ZNF221: variants seen among roughly 807,000 people sequenced by gnomAD.
The protein encoded by ZNF221 is zinc finger protein 221.
ZNF221 carries 10 observed loss-of-function variants against 12.6 expected under a neutral mutation model. That is an observed-to-expected ratio of 0.79 (90% CI 0.49 to 1.34). The LOEUF is 1.34. Ranked by LOEUF, ZNF221 falls within the 40% of genes most tolerant of loss-of-function variation. ZNF221 has a pLI of 0.00. For synonymous variants in ZNF221, 232 were observed against 244.0 expected (o/e 0.95, Z 0.46); for missense variants, 661 against 721.4 (o/e 0.92, Z 0.96).
chr19:43,955,084 T>C (rs981171591), intron 1 of ZNF221, among the ~76,000 whole-genome samples: 8 of 151,964 alleles, frequency 5.3e-5, no homozygotes, highest in Non-Finnish European at 8.8e-5. Flanking sequence ...GTGGGCTCTA[T>C]ATCTAGTGTG....
Position 43,963,776 on chromosome 19 carries a change from T to A in ZNF221, c.81+969T>A, listed in dbSNP as rs142219893. On this transcript the variant is annotated intron_variant, in intron 2 of 4. Transcript: ENST00000587682. ...GAATGTTAGCCATTCTGCTCATTTA[T>A]AATCAAATAAGTGAGAATGATATTA... Among the ~76,000 whole-genome samples, 144 of 152,358 alleles carry A rather than the reference T, an allele frequency of 9.5e-4. 1 individual carries two copies. Among genetic ancestry groups the A allele is most frequent in the African/African-American group, 3.3e-3 (136 of 41,590 alleles).
At chr19:43,960,211 G>C (rs747472256) in intron 1 of ZNF221, 7 of 152,160 alleles carry the variant, frequency 4.6e-5, no homozygotes, top group Non-Finnish European at 8.8e-5. Context: ...TTGAACTTAA[G>C]AGTGATAACT....
At chr19:43,962,312 A>G (rs1974858866) in intron 1 of ZNF221, among the ~76,000 whole-genome samples, 1 of 152,176 alleles carries the variant, frequency 6.6e-6, no homozygotes, top group African/African-American at 2.4e-5. Flanking sequence ...CCTTGTGCTT[A>G]TGTACAGTTA....
At chr19:43,981,215 A>G in the ZNF221 span, among the ~76,000 whole-genome samples, 2 of 152,370 alleles carry the variant, frequency 1.3e-5, no homozygotes, top group Admixed American at 6.5e-5. Context: ...AACAAGAAAT[A>G]TAAATTAAAA....
Position 43,965,816 on chromosome 19 carries a change from A to G in ZNF221, c.314A>G (p.Gln105Arg). 1 of 1,590,372 alleles carries G rather than the reference A, an allele frequency of 6.3e-7. No individual in the cohort carries two copies. Among genetic ancestry groups the G allele is most frequent in the Non-Finnish European group, 8.6e-7 (1 of 1,167,582 alleles). Residue 105 changes from glutamine to arginine, a missense_variant, in exon 5 of 5, where the codon CAA becomes CGA. Gln to Arg is a conservative substitution (Grantham distance 43). Coordinates refer to ENST00000587682, the MANE Select transcript of ZNF221 (RefSeq NM_001297588.2). The stretch of plus-strand genomic sequence containing the variant: ...TGTGTCTTTTTAGGAGGCAAGATCC[A>G]AATTGAGATGGAGACTGTTCCAGAA... The part of the protein sequence containing the change: ...QREGNSGGKI[Q>R]IEMETVPEAG...
chr19:43,969,398 G>C (rs1179235371), downstream of ZNF221, among the ~76,000 whole-genome samples: 2 of 132,222 alleles, frequency 1.5e-5, no homozygotes, highest in African/African-American at 5.9e-5. Flanking sequence ...GCTCAGACTG[G>C]AGTGCAGTGG....
the ZNF221 span, among the ~76,000 whole-genome samples, chr19:43,974,103 C>G: frequency 2.6e-5 from 4 of 152,084 alleles, no homozygotes; most frequent in Admixed American, 6.6e-5. Context: ...GACCACACAC[C>G]TACAACCATC....
chr19:43,968,489 G>A (rs1197748443), downstream of ZNF221, among the ~76,000 whole-genome samples: 1 of 152,204 alleles, frequency 6.6e-6, no homozygotes, highest in African/African-American at 2.4e-5. Context: ...AGCTTTGGCT[G>A]GGCTTCATAT....
downstream of ZNF221, among the ~76,000 whole-genome samples, chr19:43,972,312 C>T (rs1599825599): frequency 6.6e-6 from 1 of 151,732 alleles, no homozygotes; most frequent in Non-Finnish European, 1.5e-5. Flanking sequence ...CACTAAATGC[C>T]CACATCAAAA....
intron 2 of ZNF221, among the ~76,000 whole-genome samples, 180 bp from the exon 3 acceptor site, chr19:43,964,770 A>C (rs573643457): frequency 6.6e-5 from 10 of 152,332 alleles, no homozygotes; most frequent in African/African-American, 2.4e-4. Flanking sequence ...GAAGCTCATG[A>C]AAATCTGCGT....
chr19:43,954,790 A>G (rs1974729440), intron 1 of ZNF221, among the ~76,000 whole-genome samples: 1 of 151,412 alleles, frequency 6.6e-6, no homozygotes, highest in South Asian at 2.1e-4. Flanking sequence ...GGAAGAAGGA[A>G]AAAAAAAAGT....
At chr19:43,951,942 C>G (rs1265593376) in intron 1 of ZNF221, among the ~76,000 whole-genome samples, 3 of 139,322 alleles carry the variant, frequency 2.2e-5, no homozygotes, top group African/African-American at 8.0e-5. Context: ...GGCGCGATCT[C>G]GGCTCACTGC....
At chr19:43,962,483 T>C (rs967802810) in intron 1 of ZNF221, among the ~76,000 whole-genome samples, 2 of 152,216 alleles carry the variant, frequency 1.3e-5, no homozygotes, top group Non-Finnish European at 2.9e-5. Context: ...TCATACATGT[T>C]GTAGCATGAG....
At chr19:43,955,345 G>C (rs761850270) in intron 1 of ZNF221, among the ~76,000 whole-genome samples, 1 of 151,322 alleles carries the variant, frequency 6.6e-6, no homozygotes, top group Non-Finnish European at 1.5e-5. Context: ...TTGTGCCTCA[G>C]AGGGTGCAAG....
intron 2 of ZNF221, among the ~76,000 whole-genome samples, chr19:43,964,261 T>C (rs746848504): frequency 1.8e-4 from 27 of 152,266 alleles, no homozygotes; most frequent in Non-Finnish European, 3.7e-4. Flanking sequence ...TCTTTAATCC[T>C]TGAAAAAACG....
At chr19:43,954,108 A>G (rs1470678295) in intron 1 of ZNF221, among the ~76,000 whole-genome samples, 1 of 141,938 alleles carries the variant, frequency 7.0e-6, no homozygotes, top group African/African-American at 2.6e-5. Flanking sequence ...AAAAAAAAGG[A>G]TATGCAACTC....
At position 43,966,841 on chromosome 19, in the gene ZNF221, G is replaced by A. The variant is rs369205057; in HGVS notation, c.1339G>A (p.Glu447Lys). 32 of 1,614,106 alleles carry A rather than the reference G, an allele frequency of 2.0e-5. No individual in the cohort carries two copies. The highest frequency in any genetic ancestry group is 6.7e-5 in the African/African-American group (5 of 74,938). ...RSSHQRSHNG[E>K]KPYNCEECGK... The stretch of plus-strand genomic sequence containing the variant: ...TTCCCATCAGAGATCCCACAATGGA[G>A]AAAAGCCATATAACTGTGAGGAGTG... Residue 447 changes from glutamate (E) to lysine (K), a missense_variant, in exon 5 of 5, where the codon GAA becomes AAA. By Grantham distance (56) the Glu-to-Lys change is moderately conservative. Coordinates refer to ENST00000587682, the MANE Select transcript of ZNF221 (RefSeq NM_001297588.2).
At position 43,955,967 on chromosome 19, in the gene ZNF221, T is replaced by A. The variant is rs1315307597; in HGVS notation, c.-3+4567T>A. Among the ~76,000 whole-genome samples the A allele has an allele frequency of 2.0e-5, 3 of 152,214 alleles. No homozygotes were observed. In the East Asian group the frequency reaches 5.8e-4, roughly 29 times the overall value. ...TCCCCATTAGAATGTTTTCCTAACA[T>A]TACCTAAGAGAGCATAGGTATTTCA... On this transcript the variant is annotated intron_variant, in intron 1 of 4. Transcript: ENST00000587682.
chr19:43,958,804 G>C (rs190480773), intron 1 of ZNF221, among the ~76,000 whole-genome samples: 142 of 152,328 alleles, frequency 9.3e-4, no homozygotes, highest in Non-Finnish European at 1.9e-3. Context: ...CTGCATTAGA[G>C]ATGTAATAGT....
Sources: gnomAD v4.1 joint callset for allele counts (sites outside exome capture counted in the v4.1 genomes callset) on GRCh38, gnomAD v4.1.1 for gene constraint, MANE v1.5 for transcripts, NCBI Gene and HGNC (gene_info 2026-07-23, HGNC 2026-07-21) for gene names.